The following ZNF184 variants were observed in gnomAD, a reference collection of about 807,000 sequenced individuals.
ZNF184 encodes zinc finger protein 184, also known as zinc finger protein 184 (Kruppel-like).
ZNF184 carries 16 observed loss-of-function variants against 54.4 expected under a neutral mutation model. That is an observed-to-expected ratio of 0.29 (90% CI 0.20 to 0.45). ZNF184 has a LOEUF of 0.45. ZNF184 is among the 20% of genes least tolerant of loss of function. ZNF184 has a pLI of 1.00. For synonymous variants in ZNF184, 254 were observed against 295.3 expected (o/e 0.86, Z 1.43); for missense variants, 681 against 888.2 (o/e 0.77, Z 2.97).
chr6:27,409,462 G>T, the ZNF184 span, among the ~76,000 whole-genome samples: 2 of 133,028 alleles, frequency 1.5e-5, no homozygotes, highest in Non-Finnish European at 3.0e-5. Context: ...TCGCACCACT[G>T]CACTCCAGCC....
At chr6:27,412,139 G>A in the ZNF184 span, among the ~76,000 whole-genome samples, 1 of 152,182 alleles carries the variant, frequency 6.6e-6, no homozygotes, top group Non-Finnish European at 1.5e-5. Context: ...GGGTGGGGCG[G>A]TATTTAAAAT....
intron 3 of ZNF184, among the ~76,000 whole-genome samples, chr6:27,461,090 A>T (rs1762982742): frequency 6.6e-6 from 1 of 152,192 alleles, no homozygotes; most frequent in Non-Finnish European, 1.5e-5. Context: ...TTATGAGTGT[A>T]CCAGGTGCCG....
At chr6:27,442,888 A>AGAAAGAAAGAAAG in the ZNF184 span, among the ~76,000 whole-genome samples, 6 of 122,622 alleles carry the variant, frequency 4.9e-5, no homozygotes, top group Admixed American at 5.2e-4. Flanking sequence ...GAAAAAGAAA[A>AGAAAGAAAGAAAG]AAAGAAAGAA....
chr6:27,422,156 G>A, the ZNF184 span, among the ~76,000 whole-genome samples: 1,304 of 25,620 alleles, frequency 0.051, 223 homozygotes, highest in Middle Eastern at 0.27. Flanking sequence ...AAAAAAGAAA[G>A]AAAGAAAGAA....
At chr6:27,468,546 A>G (rs1383342261) in intron 2 of ZNF184, among the ~76,000 whole-genome samples, 2 of 152,216 alleles carry the variant, frequency 1.3e-5, no homozygotes, top group Non-Finnish European at 2.9e-5. Flanking sequence ...AGAAATGCTT[A>G]TATCCACCAA....
the ZNF184 span, among the ~76,000 whole-genome samples, chr6:27,411,822 A>G: frequency 6.6e-6 from 1 of 152,242 alleles, no homozygotes; most frequent in Non-Finnish European, 1.5e-5. Context: ...CTTTTCTGTC[A>G]GCCAGCAGGT....
chr6:27,410,770 G>A, the ZNF184 span, among the ~76,000 whole-genome samples: 1 of 152,206 alleles, frequency 6.6e-6, no homozygotes, highest in Non-Finnish European at 1.5e-5. Flanking sequence ...GACCTCAGGT[G>A]ATCCACCTGC....
chr6:27,436,911 G>A, the ZNF184 span, among the ~76,000 whole-genome samples: 1 of 152,190 alleles, frequency 6.6e-6, no homozygotes, highest in Non-Finnish European at 1.5e-5. Flanking sequence ...GGTACCTTTG[G>A]AGGCACAAAT....
rs1365669809 is a variant in ZNF184 at position 27,453,610 on chromosome 6, A to G, written c.299-350T>C. ...GCAGTTTGAATTGGGATTCCTTGCT[A>G]ATAAACAACAAAACAAAAAATCCAA... On this transcript the variant is annotated intron_variant, in intron 5 of 5. Transcript: ENST00000683788. This position sits in a 1 kb window ranked among gnomAD's most constrained non-coding sequence, Gnocchi z 4.7. Among the ~76,000 whole-genome samples, 1 of 152,214 alleles carries G rather than the reference A, an allele frequency of 6.6e-6. No homozygotes were observed. Among genetic ancestry groups the G allele is most frequent in the Non-Finnish European group, 1.5e-5 (1 of 68,040 alleles).
At chr6:27,408,037 TG>T in the ZNF184 span, 1 of 920,602 alleles carries the variant, frequency 1.1e-6, no homozygotes, top group Non-Finnish European at 1.8e-6. Flanking sequence ...AAATGTGACC[TG>T]GGATAATGTG....
chr6:27,438,927 G>A, the ZNF184 span, among the ~76,000 whole-genome samples: 483 of 152,160 alleles, frequency 3.2e-3, 14 homozygotes, highest in Admixed American at 0.029. Context: ...ATCTCTAAAA[G>A]CTTCACTATT....
intron 3 of ZNF184, among the ~76,000 whole-genome samples, chr6:27,465,652 ACT>A (rs994733513): frequency 1.3e-4 from 20 of 152,248 alleles, no homozygotes; most frequent in African/African-American, 4.8e-4. Context: ...CATTAAAAAC[ACT>A]GTTTCTCAAC....
chr6:27,406,556 T>C, the ZNF184 span: 4 of 152,422 alleles, frequency 2.6e-5, no homozygotes, highest in Admixed American at 2.6e-4. Flanking sequence ...CAGAAAATGC[T>C]TTATACTTCC....
Position 27,472,110 on chromosome 6 carries a change from A to G in ZNF184, c.7+178T>C, listed in dbSNP as rs1763290731. Among the ~76,000 whole-genome samples the G allele has an allele frequency of 6.6e-6, 1 of 152,206 alleles. No individual in the cohort carries two copies. The highest frequency in any genetic ancestry group is 2.4e-5 in the African/African-American group (1 of 41,440). ...AAGAAAAAAATAAACTCCTCTCCCA[A>G]GTATCTCTCTATAAAACAGAATCTC... On this transcript the variant is annotated intron_variant, in intron 2 of 5. Transcript: ENST00000683788. This position sits in a 1 kb window ranked among gnomAD's most constrained non-coding sequence, Gnocchi z 4.8.
the ZNF184 span, among the ~76,000 whole-genome samples, chr6:27,413,982 T>C: frequency 6.6e-6 from 1 of 152,238 alleles, no homozygotes; most frequent in Non-Finnish European, 1.5e-5. Context: ...TCTCAAGAAC[T>C]ACTTTCTAAT....
At chr6:27,430,993 C>T in the ZNF184 span, among the ~76,000 whole-genome samples, 1 of 150,742 alleles carries the variant, frequency 6.6e-6, no homozygotes, top group Non-Finnish European at 1.5e-5. Context: ...ACCAATAGAC[C>T]CATCCTTTAA....
At chr6:27,412,477 C>T in the ZNF184 span, among the ~76,000 whole-genome samples, 1 of 152,218 alleles carries the variant, frequency 6.6e-6, no homozygotes, top group African/African-American at 2.4e-5. Context: ...GGTGGCAATT[C>T]TCCTTAGTAC....
chr6:27,427,116 TAAAAAA>T, the ZNF184 span, among the ~76,000 whole-genome samples: 1 of 106,910 alleles, frequency 9.4e-6, no homozygotes, highest in African/African-American at 3.6e-5. Context: ...ACACTCTATG[TAAAAAA>T]AAAAAAAAAA....
intron 3 of ZNF184, among the ~76,000 whole-genome samples, chr6:27,466,331 C>T (rs1763137127): frequency 3.9e-5 from 6 of 152,290 alleles, no homozygotes; most frequent in Admixed American, 3.9e-4. Flanking sequence ...TGACTTCTAA[C>T]ACTGTGAGTA....
Sources: allele counts gnomAD v4.1 joint callset (sites outside exome capture counted in the v4.1 genomes callset), GRCh38; gene constraint gnomAD v4.1.1; non-coding constraint Gnocchi (gnomAD v3.1); transcripts MANE v1.5; gene names NCBI Gene and HGNC (gene_info 2026-07-23, HGNC 2026-07-21).